ZFHX3: variants seen among roughly 807,000 people sequenced by gnomAD.
The protein encoded by ZFHX3 is zinc finger homeobox 3, also known as zinc finger homeobox protein 3.
A neutral mutation model predicts 279.1 loss-of-function variants in ZFHX3; 42 were observed. The ratio of observed to expected loss-of-function variants is 0.15; its 90% CI spans 0.12 to 0.19. The LOEUF is 0.19. Ranked by LOEUF, ZFHX3 falls within the 10% of genes least tolerant of loss-of-function variation. The pLI is 1.00. For missense variants in ZFHX3, 4,981 were observed against 4,754.0 expected (o/e 1.05, Z -1.40); for synonymous variants, 2,293 against 1,957.8 (o/e 1.17, Z -4.52).
At chr16:73,628,731 G>A (rs896704386) in intron 2 of ZFHX3, among the ~76,000 whole-genome samples, 3 of 152,096 alleles carry the variant, frequency 2.0e-5, no homozygotes, top group East Asian at 1.9e-4. Context: ...TTTCCATTGC[G>A]TTTATGTTCC....
At chr16:73,047,711 T>G (rs1316724852) in intron 1 of ZFHX3, 41 bp downstream of exon 1, 1 of 152,442 alleles carries the variant, frequency 6.6e-6, no homozygotes, top group Admixed American at 6.5e-5. Context: ...TGCCCGCGGC[T>G]CCAGGCCGGC....
chr16:73,833,316 T>A (rs1181630953), intron 1 of ZFHX3, among the ~76,000 whole-genome samples: 2 of 152,074 alleles, frequency 1.3e-5, no homozygotes, highest in African/African-American at 4.8e-5. Flanking sequence ...TGAGCCATGA[T>A]CATACCACTC....
intron 2 of ZFHX3, among the ~76,000 whole-genome samples, chr16:73,490,972 T>C (rs991997659): frequency 3.3e-5 from 5 of 152,252 alleles, no homozygotes; most frequent in African/African-American, 1.2e-4. Flanking sequence ...TTTATCTCAT[T>C]ACTCTGTTGG....
chr16:73,206,063 A>T (rs923307919), intron 5 of ZFHX3, among the ~76,000 whole-genome samples: 18 of 152,210 alleles, frequency 1.2e-4, no homozygotes, highest in Admixed American at 6.5e-5. Flanking sequence ...TGCCGTGCTT[A>T]TGTAAATTCT....
At chr16:73,661,263 A>T (rs1302017632) in intron 2 of ZFHX3, among the ~76,000 whole-genome samples, 1 of 152,224 alleles carries the variant, frequency 6.6e-6, no homozygotes, top group Non-Finnish European at 1.5e-5. Flanking sequence ...TTATGATGTA[A>T]ACACATTTTG....
At chr16:72,823,426 G>A (rs1405633611) in intron 5 of ZFHX3, among the ~76,000 whole-genome samples, 1 of 152,152 alleles carries the variant, frequency 6.6e-6, no homozygotes, top group African/African-American at 2.4e-5. Context: ...CCACTCAAAG[G>A]CACCCATGTG....
intron 3 of ZFHX3, among the ~76,000 whole-genome samples, chr16:73,413,550 G>A (rs2017512104): frequency 6.6e-6 from 1 of 152,192 alleles, no homozygotes; most frequent in South Asian, 2.1e-4. Context: ...AAGGCAATCA[G>A]TAGCTCTATG....
At chr16:73,178,449 T>C (rs564523168) in intron 5 of ZFHX3, among the ~76,000 whole-genome samples, 27 of 152,220 alleles carry the variant, frequency 1.8e-4, no homozygotes, top group African/African-American at 6.3e-4. Context: ...ATAGATGACA[T>C]TTCTTTCCTT....
At chr16:73,320,504 G>A (rs1003858878) in intron 3 of ZFHX3, among the ~76,000 whole-genome samples, 1 of 152,130 alleles carries the variant, frequency 6.6e-6, no homozygotes, top group East Asian at 1.9e-4. Flanking sequence ...GATTTCCTTT[G>A]GAAATCGGGT....
chr16:73,450,320 G>A (rs147293395), intron 3 of ZFHX3, among the ~76,000 whole-genome samples: 94 of 151,834 alleles, frequency 6.2e-4, no homozygotes, highest in African/African-American at 2.2e-3. Context: ...TTTCTTTCAC[G>A]TATTCATGGT....
At chr16:73,798,582 GACACACAC>G (rs10531772) in intron 1 of ZFHX3, among the ~76,000 whole-genome samples, 3 of 150,864 alleles carry the variant, frequency 2.0e-5, no homozygotes, top group Admixed American at 6.6e-5. Flanking sequence ...CACACACACA[GACACACAC>G]ACACACACAC....
Position 72,811,684 on chromosome 16 carries a change from G to A in ZFHX3, c.3757C>T (p.Arg1253Cys), listed in dbSNP as rs769603301. ...AGCATGTCCTGGCACAGGGGGCAGCGAAGCATGGGTTGCACCGAGTGCTGC... is the reference window on the plus strand; with the variant it reads ...AGCATGTCCTGGCACAGGGGGCAGCAAAGCATGGGTTGCACCGAGTGCTGC... ...MTQHSVQPML[R>C]CPLCQDMLNN... The change falls in exon 7 of 10, where the codon CGC becomes TGC. Residue 1253 changes from arginine to cysteine, a missense_variant. By Grantham distance (180) the Arg-to-Cys change is radical (BLOSUM62 -3). Transcript: ENST00000268489. 16 of 1,614,068 alleles carry A rather than the reference G, an allele frequency of 9.9e-6. No individual in the cohort carries two copies. The highest frequency in any genetic ancestry group is 1.7e-4 in the Middle Eastern group (1 of 6,006).
chr16:73,308,245 ATATATATATATATATATATATAT>A (rs2015231647), intron 4 of ZFHX3, among the ~76,000 whole-genome samples: 1 of 19,056 alleles, frequency 5.2e-5, no homozygotes, highest in African/African-American at 1.3e-4. Flanking sequence ...ATATATATAT[ATATATATATATATATATATATAT>A]ATATATATAT....
chr16:73,831,607 A>G (rs1960999465), intron 1 of ZFHX3, among the ~76,000 whole-genome samples: 2 of 152,216 alleles, frequency 1.3e-5, no homozygotes, highest in South Asian at 4.1e-4. Context: ...CTTTTTCTCC[A>G]TCACACAGAC....
At chr16:73,712,654 C>T (rs1273389838) in intron 1 of ZFHX3, among the ~76,000 whole-genome samples, 2 of 152,112 alleles carry the variant, frequency 1.3e-5, no homozygotes, top group Non-Finnish European at 2.9e-5. Flanking sequence ...AAGGACTTGC[C>T]CTCTTTTGTA....
Position 73,836,699 on chromosome 16 carries a change from C to T in ZFHX3, c.-1608+54952G>A, listed in dbSNP as rs185531261. Reference sequence around the variant, plus strand: ...TTTCCTGCCTCTGGCATTGTTGATGCCTGCTGTGGTTTGGATGTGGTTTGT... The same window carrying T: ...TTTCCTGCCTCTGGCATTGTTGATGTCTGCTGTGGTTTGGATGTGGTTTGT... On this transcript the variant is annotated intron_variant, in intron 1 of 17. Transcript: ENST00000641206. Among the ~76,000 whole-genome samples, 357 of 152,300 alleles carry T rather than the reference C, an allele frequency of 2.3e-3. 3 individuals carry two copies. The highest frequency in any genetic ancestry group is 0.014 in the Middle Eastern group (4 of 294).
intron 3 of ZFHX3, among the ~76,000 whole-genome samples, chr16:72,940,987 A>G (rs891899122): frequency 2.0e-5 from 3 of 152,226 alleles, no homozygotes; most frequent in Non-Finnish European, 2.9e-5. Context: ...ACGCACTGTG[A>G]GCAATGCTCA....
In ZFHX3 at chr16:73,189,153, C is replaced by T. The variant is rs534470934; in HGVS notation, c.-1103-45322G>A. Among the ~76,000 whole-genome samples, 7 of 152,298 alleles carry T rather than the reference C, an allele frequency of 4.6e-5. No individual in the cohort carries two copies. In the East Asian group the frequency reaches 1.4e-3, roughly 29 times the overall value. On this transcript the variant is annotated intron_variant, in intron 5 of 17. Transcript: ENST00000641206. ...CTGGGATTACAGGCATGAGCCACCG[C>T]GCCCGCCCACATCTGGGTATTTCTA...
At chr16:73,040,346 G>C (rs1965066315) in intron 1 of ZFHX3, among the ~76,000 whole-genome samples, 1 of 152,202 alleles carries the variant, frequency 6.6e-6, no homozygotes, top group Non-Finnish European at 1.5e-5. Flanking sequence ...GGCCGAGCAG[G>C]AGGGGGTAGA....
Sources: allele counts gnomAD v4.1 joint callset (sites outside exome capture counted in the v4.1 genomes callset), GRCh38; gene constraint gnomAD v4.1.1; transcripts MANE v1.5; gene names NCBI Gene and HGNC (gene_info 2026-07-23, HGNC 2026-07-21).